The following EPHA4 variants were observed in gnomAD, a reference collection of about 807,000 sequenced individuals.
EPHA4 encodes EPH receptor A4.
EPHA4 carries 19 observed loss-of-function variants against 108.3 expected under a neutral mutation model. That is an observed-to-expected ratio of 0.18 (90% CI 0.12 to 0.26). EPHA4 has a LOEUF of 0.26. EPHA4 is among the 10% of genes least tolerant of loss of function. The probability of loss-of-function intolerance (pLI) is 1.00; values close to 1 mark genes in which losing one functional copy is unlikely to be tolerated. For synonymous variants in EPHA4, 449 were observed against 455.5 expected, an observed-to-expected ratio of 0.99 and a Z score of 0.18; for missense variants, 917 against 1,254.0, an observed-to-expected ratio of 0.73 and a Z score of 4.06.
chr2:221,490,307 G>A (rs934283), intron 4 of EPHA4, among the ~76,000 whole-genome samples: 2 of 151,238 alleles, frequency 1.3e-5, no homozygotes, highest in South Asian at 2.1e-4. Context: ...TGCAACCAAG[G>A]CAAGAAGACA....
chr2:221,572,727 G>A (rs1416767504), upstream of EPHA4: 1 of 152,558 alleles, frequency 6.6e-6, no homozygotes, highest in Non-Finnish European at 1.5e-5. Context: ...GCTGACCTGC[G>A]GTTGCTTCTT....
In EPHA4 at chr2:221,553,391, T is replaced by C. The variant is rs139907659; in HGVS notation, c.823+10340A>G. ...TGAAGTCTTAAATCAGGGAAGTTCT[T>C]AAGGACAAAAGCCCAAGAGAAAAAG... On this transcript the variant is annotated intron_variant, in intron 3 of 17. Transcript: ENST00000281821. 2.8e-4 allele frequency among the ~76,000 whole-genome samples: 43 copies of C among 152,326 alleles called. 2 individuals carry two copies. The East Asian group carries it at 7.5e-3, about 27-fold the overall frequency.
rs1285219061 is a variant in EPHA4, at chr2:221,517,278, C to T, written c.824-16106G>A. ...AAAGTTGCAGAAGGCCTACAGTAGGCATGTATTAGACAGACAGAAGATTAC... is the reference window on the plus strand; with the variant it reads ...AAAGTTGCAGAAGGCCTACAGTAGGTATGTATTAGACAGACAGAAGATTAC... On this transcript the variant is annotated intron_variant, in intron 3 of 17. Coordinates refer to ENST00000281821, the MANE Select transcript of EPHA4 (RefSeq NM_004438.5). Among the ~76,000 whole-genome samples, 5 of 152,100 alleles carry T rather than the reference C, an allele frequency of 3.3e-5. No individual in the cohort carries two copies. In the East Asian group the frequency reaches 9.6e-4, roughly 29 times the overall value.
chr2:221,554,377 T>C (rs1259282423), intron 3 of EPHA4, among the ~76,000 whole-genome samples: 2 of 152,250 alleles, frequency 1.3e-5, no homozygotes, highest in Non-Finnish European at 1.5e-5. Flanking sequence ...TCAAGTCTAA[T>C]TGAACTTCAA....
intron 3 of EPHA4, among the ~76,000 whole-genome samples, chr2:221,550,593 C>T (rs1231026541): frequency 6.6e-6 from 1 of 152,088 alleles, no homozygotes; most frequent in Non-Finnish European, 1.5e-5. Context: ...TAAGTATACC[C>T]ATGCAATAGG....
intron 3 of EPHA4, among the ~76,000 whole-genome samples, chr2:221,555,133 G>A (rs1574656496): frequency 6.6e-6 from 1 of 152,144 alleles, no homozygotes. Context: ...TTTGCATGGG[G>A]CAGGGGGGCC....
At chr2:221,430,657 C>T (rs918805269) in intron 14 of EPHA4, among the ~76,000 whole-genome samples, 6 of 152,158 alleles carry the variant, frequency 3.9e-5, no homozygotes, top group Admixed American at 3.3e-4. Context: ...TGTGTCAACA[C>T]CAGAGTCCAA....
intron 3 of EPHA4, chr2:221,502,687 A>T: frequency 2.3e-6 from 1 of 436,758 alleles, no homozygotes; most frequent in Non-Finnish European, 4.7e-6. Context: ...TCTTAATCAT[A>T]CTCTTGTAAT....
chr2:221,531,535 C>G (rs1003200626), intron 3 of EPHA4, among the ~76,000 whole-genome samples: 5 of 152,014 alleles, frequency 3.3e-5, no homozygotes, highest in African/African-American at 1.2e-4. Flanking sequence ...TGAACAATAA[C>G]AGAAAGGAAA....
chr2:221,536,180 G>A (rs1693664026), intron 3 of EPHA4, among the ~76,000 whole-genome samples: 1 of 152,216 alleles, frequency 6.6e-6, no homozygotes, highest in Admixed American at 6.5e-5. Context: ...CGGGCACCCT[G>A]TGGATGACCT....
chr2:221,470,832 C>A (rs972943), intron 5 of EPHA4, among the ~76,000 whole-genome samples: 3,523 of 152,130 alleles, frequency 0.023, 88 homozygotes, highest in East Asian at 0.081. Context: ...TGTGGCCATG[C>A]AATTATGTTC....
At chr2:221,550,077 G>A (rs780594373) in intron 3 of EPHA4, among the ~76,000 whole-genome samples, 4 of 152,136 alleles carry the variant, frequency 2.6e-5, no homozygotes, top group African/African-American at 7.2e-5. Context: ...GCTGTTCACC[G>A]TAAAAGAAAC....
chr2:221,455,708 T>C, intron 7 of EPHA4, 50 bp from the exon 8 acceptor site: 2 of 1,339,270 alleles, frequency 1.5e-6, no homozygotes, highest in Admixed American at 1.8e-5. Context: ...TCTTAGGAGG[T>C]AGAACTTCTG....
At chr2:221,458,952 C>T (rs1691049620) in intron 5 of EPHA4, among the ~76,000 whole-genome samples, 1 of 152,122 alleles carries the variant, frequency 6.6e-6, no homozygotes, top group Non-Finnish European at 1.5e-5. Context: ...CTTTTATTCC[C>T]AAACTGGGGA....
At chr2:221,465,800 T>A (rs1336484834) in intron 5 of EPHA4, among the ~76,000 whole-genome samples, 1 of 152,046 alleles carries the variant, frequency 6.6e-6, no homozygotes, top group Non-Finnish European at 1.5e-5. Context: ...AGCAAGAAAA[T>A]AAATTTCTAT....
At chr2:221,432,008 CAG>C (rs1559236970) in intron 14 of EPHA4, among the ~76,000 whole-genome samples, 1 of 152,016 alleles carries the variant, frequency 6.6e-6, no homozygotes, top group African/African-American at 2.4e-5. Context: ...GAATCCAACA[CAG>C]AGACAAATAA....
At chr2:221,493,362 T>C (rs926422244) in intron 4 of EPHA4, among the ~76,000 whole-genome samples, 25 of 151,874 alleles carry the variant, frequency 1.6e-4, no homozygotes, top group Non-Finnish European at 3.1e-4. Context: ...ATCTTTGGGG[T>C]AGAGAATTGA....
chr2:221,514,252 C>G (rs1247009552), intron 3 of EPHA4, among the ~76,000 whole-genome samples: 1 of 152,068 alleles, frequency 6.6e-6, no homozygotes, highest in Non-Finnish European at 1.5e-5. Context: ...GTTTGTCCAG[C>G]CTTACAGGTG....
chr2:221,448,231 T>C (rs1332015420), intron 8 of EPHA4, among the ~76,000 whole-genome samples: 2 of 131,980 alleles, frequency 1.5e-5, no homozygotes, highest in Non-Finnish European at 3.2e-5. Context: ...GATGAGGACA[T>C]GGAGCTGGGG....
Sources: gnomAD v4.1 joint callset for allele counts (sites outside exome capture counted in the v4.1 genomes callset) on GRCh38, gnomAD v4.1.1 for gene constraint, MANE v1.5 for transcripts, NCBI Gene and HGNC (gene_info 2026-07-23, HGNC 2026-07-21) for gene names.